Variants in TMEM209 observed in about 807,000 individuals in gnomAD.
TMEM209 encodes the protein transmembrane protein 209, also known as testicular tissue protein Li 202.
TMEM209 carries 65 observed loss-of-function variants against 76.2 expected under a neutral mutation model. The ratio of observed to expected loss-of-function variants is 0.85; its 90% confidence interval spans 0.70 to 1.05. The LOEUF (loss-of-function observed/expected upper bound fraction) is 1.05. Ranked by LOEUF, TMEM209 falls within the 50% of genes least tolerant of loss-of-function variation. The pLI, the probability that TMEM209 is intolerant of heterozygous loss-of-function variation, is 0.00. For missense variants in TMEM209, 623 were observed against 685.5 expected (o/e 0.91, Z 1.02); for synonymous variants, 239 against 237.6 (o/e 1.01, Z -0.06).
At chr7:130,196,777 A>G (rs1408543117) in intron 5 of TMEM209, among the ~76,000 whole-genome samples, 1 of 152,216 alleles carries the variant, frequency 6.6e-6, no homozygotes, top group Non-Finnish European at 1.5e-5. Flanking sequence ...GAACTATGAG[A>G]AAATAATTTC....
intron 14 of TMEM209, among the ~76,000 whole-genome samples, chr7:130,169,738 C>T (rs1024348096): frequency 2.6e-5 from 4 of 151,996 alleles, no homozygotes; most frequent in Admixed American, 1.3e-4. Flanking sequence ...GCCCATCCCC[C>T]CTTTTTTTTT....
chr7:130,192,896 G>A, intron 5 of TMEM209, 73 bp from the exon 6 acceptor site: 1 of 1,439,186 alleles, frequency 6.9e-7, no homozygotes, highest in African/African-American at 1.4e-5. Context: ...TTTGACTTAA[G>A]TAAAACACCT....
intron 7 of TMEM209, 29 bp from the exon 8 acceptor site, chr7:130,184,284 A>G (rs1265340560): frequency 6.8e-7 from 1 of 1,470,870 alleles, no homozygotes; most frequent in East Asian, 2.3e-5. Context: ...AAAATGAACA[A>G]TCAGTGAGGA....
rs1166922420 is a variant in TMEM209, at chr7:130,205,355, A to G, written c.3+18T>C. 2 of 1,613,858 alleles carry G rather than the reference A, an allele frequency of 1.2e-6. No individual in the cohort carries two copies. The highest frequency in any genetic ancestry group is 2.2e-5 in the South Asian group (2 of 91,080). ...AGATTCCAAGACAGGAAGCACAAACACGACCCCGAAAACGCACCATGTCCT... is the reference window on the plus strand; with the variant it reads ...AGATTCCAAGACAGGAAGCACAAACGCGACCCCGAAAACGCACCATGTCCT... On this transcript the variant is annotated intron_variant, in intron 1 of 14. Coordinates refer to ENST00000397622, the MANE Select transcript of TMEM209 (RefSeq NM_032842.4).
rs1797842972 is a variant in TMEM209, at chr7:130,192,787, G to T, written c.610C>A (p.Pro204Thr). The T allele has an allele frequency of 1.2e-6, 2 of 1,613,766 alleles. No homozygotes were observed. Among genetic ancestry groups the T allele is most frequent in the Non-Finnish European group, 1.7e-6 (2 of 1,179,826 alleles). ...SFSPSPPSPY[P>T]TTVGPVESSG... ...CTCTCCACTGGTCCAACAGTGGTAGGGTACGGAGAAGGAGGAGAGGGGCTA... is the reference window on the plus strand; with the variant it reads ...CTCTCCACTGGTCCAACAGTGGTAGTGTACGGAGAAGGAGGAGAGGGGCTA... Residue 204 changes from proline (P) to threonine (T), a missense_variant, in exon 6 of 15, where the codon CCT becomes ACT. By Grantham distance (38) the Pro-to-Thr change is conservative (BLOSUM62 -1). Transcript: ENST00000397622.
chr7:130,184,250 C>A lies in TMEM209; in HGVS notation c.957G>T (p.Trp319Cys). ...GTTGTCTATTCATAGCCACTCTTGCCCAGACCTATAAAAATTCATGTTTAA... is the reference window on the plus strand; with the variant it reads ...GTTGTCTATTCATAGCCACTCTTGCACAGACCTATAAAAATTCATGTTTAA... The part of the protein sequence containing the change: ...LSSKQAAEEV[W>C]ARVAMNRQLL... The change falls in exon 8 of 15, where the codon TGG becomes TGT. Residue 319 changes from tryptophan to cysteine, a missense_variant. By Grantham distance (215) the Trp-to-Cys change is radical (BLOSUM62 -2). Coordinates refer to ENST00000397622, the MANE Select transcript of TMEM209 (RefSeq NM_032842.4). 6.3e-7 allele frequency: 1 copy of A among 1,598,824 alleles called. No individual in the cohort carries two copies. Among genetic ancestry groups the A allele is most frequent in the African/African-American group, 1.3e-5 (1 of 74,564 alleles).
In TMEM209 at chr7:130,176,313, G is replaced by A. The variant is rs930826284; in HGVS notation, c.1247-704C>T. Among the ~76,000 whole-genome samples the A allele has an allele frequency of 3.5e-4, 53 of 151,568 alleles. 1 individual carries two copies. The highest frequency in any genetic ancestry group is 1.2e-3 in the African/African-American group (51 of 41,232). ...TTTTTTTGTATTTTTAGCAGAGATG[G>A]GGTTTCACCGTGTTAGCCAGGATGG... On this transcript the variant is annotated intron_variant, in intron 10 of 14. Transcript: ENST00000397622.
At chr7:130,194,518 A>T (rs1261477092) in intron 5 of TMEM209, among the ~76,000 whole-genome samples, 2 of 152,188 alleles carry the variant, frequency 1.3e-5, no homozygotes, top group Non-Finnish European at 2.9e-5. Flanking sequence ...CCACCCAGAG[A>T]TAATATAATC....
At chr7:130,200,404 A>C (rs1798148147) in intron 5 of TMEM209, among the ~76,000 whole-genome samples, 4 of 152,208 alleles carry the variant, frequency 2.6e-5, no homozygotes. Flanking sequence ...TTTCTGTGAC[A>C]ATGTAAATTG....
At chr7:130,185,399 G>T in intron 6 of TMEM209, 32 bp from the exon 7 acceptor site, 4 of 1,589,504 alleles carry the variant, frequency 2.5e-6, no homozygotes, top group Non-Finnish European at 3.4e-6. Flanking sequence ...GTATCAGTGT[G>T]TTGTAGCAAT....
intron 10 of TMEM209, among the ~76,000 whole-genome samples, chr7:130,177,029 A>G (rs1331072478): frequency 0.021 from 72 of 3,478 alleles, no homozygotes; most frequent in African/African-American, 0.054. Flanking sequence ...GCCGGGTCTC[A>G]AAAAAAAAAA....
intron 4 of TMEM209, 109 bp from the exon 5 acceptor site, chr7:130,202,200 T>A: frequency 7.4e-7 from 1 of 1,351,980 alleles, no homozygotes; most frequent in Non-Finnish European, 1.0e-6. Context: ...GTTAACAGAG[T>A]TACTTGGTTG....
chr7:130,187,976 T>A (rs1166489392), intron 6 of TMEM209, among the ~76,000 whole-genome samples: 1 of 151,990 alleles, frequency 6.6e-6, no homozygotes, highest in Non-Finnish European at 1.5e-5. Context: ...TCCAAGAACT[T>A]TAGATAATTG....
intron 6 of TMEM209, among the ~76,000 whole-genome samples, chr7:130,185,771 C>T (rs1000248991): frequency 3.3e-5 from 5 of 152,146 alleles, no homozygotes; most frequent in African/African-American, 9.7e-5. Flanking sequence ...ATAACTATAG[C>T]CTCCTACTAA....
intron 5 of TMEM209, among the ~76,000 whole-genome samples, chr7:130,200,607 A>T (rs1034569366): frequency 3.9e-5 from 6 of 152,158 alleles, no homozygotes; most frequent in Admixed American, 6.6e-5. Context: ...CAGGACTATA[A>T]TAATTTTCCT....
intron 14 of TMEM209, among the ~76,000 whole-genome samples, chr7:130,168,803 T>C (rs576300557): frequency 2.0e-5 from 3 of 152,292 alleles, no homozygotes; most frequent in African/African-American, 7.2e-5. Flanking sequence ...TTAGTTCTAG[T>C]TTATACACTG....
At chr7:130,195,586 G>A (rs1309966189) in intron 5 of TMEM209, among the ~76,000 whole-genome samples, 1 of 151,104 alleles carries the variant, frequency 6.6e-6, no homozygotes, top group East Asian at 1.9e-4. Context: ...TGCATTGTTA[G>A]GATAAATTTT....
chr7:130,170,557 T>A (rs1797035203), intron 13 of TMEM209, 84 bp from the exon 14 acceptor site: 2 of 1,030,980 alleles, frequency 1.9e-6, no homozygotes, highest in Non-Finnish European at 2.9e-6. Flanking sequence ...TATCAATTCA[T>A]ATCCTACTAA....
chr7:130,177,348 CAAAA>C (rs755580801), intron 10 of TMEM209, among the ~76,000 whole-genome samples: 2 of 102,494 alleles, frequency 2.0e-5, no homozygotes. Context: ...AGACTGTCTC[CAAAA>C]AAAAAAAAAA....
Sources: gnomAD v4.1 joint callset for allele counts (sites outside exome capture counted in the v4.1 genomes callset) on GRCh38, gnomAD v4.1.1 for gene constraint, MANE v1.5 for transcripts, NCBI Gene and HGNC (gene_info 2026-07-23, HGNC 2026-07-21) for gene names.